The following GLRA3 variants were observed in gnomAD, a reference collection of about 807,000 sequenced individuals.
GLRA3 encodes glycine receptor subunit alpha-3.
A neutral mutation model predicts 60.4 loss-of-function variants in GLRA3; 44 were observed. The observed-to-expected ratio is 0.73, with a 90% confidence interval of 0.57 to 0.94. The LOEUF is 0.94. Among genes scored for constraint, GLRA3 ranks in the 40% least tolerant of loss-of-function variants. The pLI, the probability that GLRA3 is intolerant of heterozygous loss-of-function variation, is 0.00. For synonymous variants in GLRA3, 223 were observed against 192.9 expected (o/e 1.16, Z -1.29); for missense variants, 508 against 564.6 (o/e 0.90, Z 1.02).
chr4:174,745,790 GAA>G (rs551704368), intron 3 of GLRA3, among the ~76,000 whole-genome samples: 22,737 of 138,876 alleles, frequency 0.16, 2,183 homozygotes, highest in African/African-American at 0.29. Flanking sequence ...AACTCAATAG[GAA>G]AAAAAAAAAA....
chr4:174,716,648 TA>T (rs1188977194), intron 4 of GLRA3, among the ~76,000 whole-genome samples: 1 of 152,172 alleles, frequency 6.6e-6, no homozygotes, highest in African/African-American at 2.4e-5. Context: ...CTAGGCAGAT[TA>T]CTTCAAATCC....
At chr4:174,809,069 T>C (rs1435837012) in intron 1 of GLRA3, among the ~76,000 whole-genome samples, 1 of 152,168 alleles carries the variant, frequency 6.6e-6, no homozygotes, top group Non-Finnish European at 1.5e-5. Context: ...ACTGACTCAC[T>C]TAATACTGCA....
intron 2 of GLRA3, among the ~76,000 whole-genome samples, chr4:174,769,523 C>T (rs1738299086): frequency 6.6e-6 from 1 of 152,016 alleles, no homozygotes; most frequent in African/African-American, 2.4e-5. Flanking sequence ...AGTTTTGATT[C>T]AATATGTACA....
At chr4:174,663,912 T>A (rs1036433380) in intron 7 of GLRA3, among the ~76,000 whole-genome samples, 7 of 152,160 alleles carry the variant, frequency 4.6e-5, no homozygotes, top group African/African-American at 1.7e-4. Context: ...GAATCCTAGT[T>A]CTATATTCTG....
intron 2 of GLRA3, among the ~76,000 whole-genome samples, chr4:174,776,234 T>C (rs1303573956): frequency 6.6e-6 from 1 of 152,150 alleles, no homozygotes; most frequent in Non-Finnish European, 1.5e-5. Flanking sequence ...GACCCAAGAA[T>C]AATGCCTAGT....
chr4:174,787,358 G>A (rs1235097661), intron 2 of GLRA3, among the ~76,000 whole-genome samples: 2 of 151,964 alleles, frequency 1.3e-5, no homozygotes, highest in Non-Finnish European at 2.9e-5. Flanking sequence ...TGTGTCTTGT[G>A]GTTTAGTTAA....
At chr4:174,709,098 G>A (rs956579425) in intron 5 of GLRA3, among the ~76,000 whole-genome samples, 3 of 151,884 alleles carry the variant, frequency 2.0e-5, no homozygotes, top group Admixed American at 6.6e-5. Flanking sequence ...AAATGAAAAC[G>A]TATCCGTTGA....
At chr4:174,684,496 G>T (rs1189380498) in intron 5 of GLRA3, among the ~76,000 whole-genome samples, 1 of 152,148 alleles carries the variant, frequency 6.6e-6, no homozygotes, top group Non-Finnish European at 1.5e-5. Context: ...TATATGGGAG[G>T]TATCTAAGAA....
At chr4:174,754,125 T>A (rs1259997865) in intron 3 of GLRA3, among the ~76,000 whole-genome samples, 1 of 152,176 alleles carries the variant, frequency 6.6e-6, no homozygotes, top group Non-Finnish European at 1.5e-5. Flanking sequence ...GTGAACAGGA[T>A]CTGTAGACAG....
At chr4:174,798,573 A>G (rs1470093997) in intron 1 of GLRA3, among the ~76,000 whole-genome samples, 1 of 152,206 alleles carries the variant, frequency 6.6e-6, no homozygotes, top group Non-Finnish European at 1.5e-5. Context: ...AGTAGGCCTT[A>G]AGTTAATTTT....
At chr4:174,754,748 G>T (rs1022087536) in intron 3 of GLRA3, among the ~76,000 whole-genome samples, 1 of 152,086 alleles carries the variant, frequency 6.6e-6, no homozygotes, top group African/African-American at 2.4e-5. Context: ...TTTTATTTCA[G>T]TTGTGATAAA....
chr4:174,827,004 G>C (rs1740997707), intron 1 of GLRA3, among the ~76,000 whole-genome samples: 1 of 151,474 alleles, frequency 6.6e-6, no homozygotes, highest in Non-Finnish European at 1.5e-5. Context: ...ACTAGTCATG[G>C]ATAGAGAAAA....
chr4:174,655,767 T>C (rs1438443564), intron 9 of GLRA3, among the ~76,000 whole-genome samples: 3 of 152,040 alleles, frequency 2.0e-5, no homozygotes, highest in Admixed American at 6.6e-5. Context: ...GAGAAATGGA[T>C]GCTGGGAAAT....
At chr4:174,820,691 G>A (rs1308621317) in intron 1 of GLRA3, among the ~76,000 whole-genome samples, 1 of 152,128 alleles carries the variant, frequency 6.6e-6, no homozygotes, top group Non-Finnish European at 1.5e-5. Context: ...GGACATTTGG[G>A]TAGTCATTTC....
At chr4:174,655,371 G>A (rs1038216086) in intron 9 of GLRA3, among the ~76,000 whole-genome samples, 11 of 151,984 alleles carry the variant, frequency 7.2e-5, no homozygotes, top group African/African-American at 2.7e-4. Flanking sequence ...AAAAACAAAT[G>A]GGATGTATAA....
Position 174,637,380 on chromosome 4 carries a change from T to TC in GLRA3, c.*6405_*6406insG, listed in dbSNP as rs1393708931. On this transcript the variant is annotated 3_prime_UTR_variant, in exon 10 of 10. Coordinates refer to ENST00000274093, the MANE Select transcript of GLRA3 (RefSeq NM_006529.4). ...AGAATGTCAGGGTACTTCACTCTATTTCCCCCCCCATATTATCATTTATCA... is the reference window on the plus strand; with the variant it reads ...AGAATGTCAGGGTACTTCACTCTATTCTCCCCCCCCATATTATCATTTATCA... The TC allele has an allele frequency of 4.5e-5, 4 of 89,678 alleles. No homozygotes were observed. Among genetic ancestry groups the TC allele is most frequent in the Admixed American group, 1.4e-4 (1 of 7,106 alleles). 5.6% of individuals were successfully genotyped at this position (89,678 alleles called of 1,614,324 possible). A position where few individuals can be genotyped will look rare whatever the true frequency, so the allele number is the denominator to read the frequency against.
chr4:174,642,504 G>T lies in GLRA3; in HGVS notation c.*1282C>A. On this transcript the variant is annotated 3_prime_UTR_variant, in exon 10 of 10. Transcript: ENST00000274093. ...GTCAGAGTCTGGTTCTGTTTACCAA[G>T]AACTCTATCATACATTTGCACCCAA... 1.0e-6 allele frequency: 1 copy of T among 974,786 alleles called. No homozygotes were observed. The highest frequency in any genetic ancestry group is 4.8e-5 in the South Asian group (1 of 21,050). The allele number at this position is 974,786 out of a possible 1,614,324, so 60.4% of individuals were successfully genotyped here.
rs898725037 is a variant in GLRA3, at chr4:174,639,712, T to C, written c.*4074A>G. 6.6e-6 allele frequency: 1 copy of C among 152,124 alleles called. No individual in the cohort carries two copies. Among genetic ancestry groups the C allele is most frequent in the Admixed American group, 6.6e-5 (1 of 15,262 alleles). 9.4% of individuals were successfully genotyped at this position (152,124 alleles called of 1,614,324 possible). A position where few individuals can be genotyped will look rare whatever the true frequency, so the allele number is the denominator to read the frequency against. On this transcript the variant is annotated 3_prime_UTR_variant, in exon 10 of 10. Transcript: ENST00000274093. ...ATGGAAGTTCACTTTTTAATATCAC[T>C]ATGTTTGTAAAGAGGAATGGGGGCT... is the stretch of plus-strand genomic sequence containing the variant.
intron 3 of GLRA3, among the ~76,000 whole-genome samples, chr4:174,732,218 G>A (rs541888185): frequency 1.6e-4 from 25 of 151,976 alleles, no homozygotes; most frequent in Non-Finnish European, 2.2e-4. Flanking sequence ...AGCTGGGTGT[G>A]GTGGCGTGCG....
Sources: gnomAD v4.1 joint callset for allele counts (sites outside exome capture counted in the v4.1 genomes callset) on GRCh38, gnomAD v4.1.1 for gene constraint, MANE v1.5 for transcripts, NCBI Gene and HGNC (gene_info 2026-07-23, HGNC 2026-07-21) for gene names.